DLG2: variants seen among roughly 807,000 people sequenced by gnomAD.
DLG2 encodes the protein disks large homolog 2.
Under a neutral mutation model 132.5 loss-of-function variants are expected in DLG2, and 45 were observed. The observed-to-expected ratio is 0.34, with a 90% CI of 0.27 to 0.44. The LOEUF (loss-of-function observed/expected upper bound fraction) is 0.44. DLG2 is among the 20% of genes least tolerant of loss of function. The pLI, the probability that DLG2 is intolerant of heterozygous loss-of-function variation, is 1.00. For missense variants in DLG2, 1,045 were observed against 1,196.9 expected (o/e 0.87, Z 1.87); for synonymous variants, 424 against 419.6 (o/e 1.01, Z -0.13).
intron 16 of DLG2, among the ~76,000 whole-genome samples, chr11:83,843,725 A>G (rs1346296592): frequency 6.6e-6 from 1 of 152,146 alleles, no homozygotes; most frequent in Non-Finnish European, 1.5e-5. Context: ...TGCTTGGGTA[A>G]TGGAGGGAAT....
At chr11:84,803,192 T>C (rs1439866465) in intron 6 of DLG2, among the ~76,000 whole-genome samples, 1 of 152,182 alleles carries the variant, frequency 6.6e-6, no homozygotes, top group Non-Finnish European at 1.5e-5. Context: ...TATAATGCAG[T>C]GTAGAATATA....
intron 9 of DLG2, among the ~76,000 whole-genome samples, chr11:84,100,798 A>G (rs1386242145): frequency 1.3e-5 from 2 of 152,164 alleles, no homozygotes; most frequent in Non-Finnish European, 2.9e-5. Flanking sequence ...AAGATCAGCT[A>G]TAACTTGACA....
At chr11:85,180,026 C>G (rs1268820997) in intron 4 of DLG2, among the ~76,000 whole-genome samples, 1 of 151,808 alleles carries the variant, frequency 6.6e-6, no homozygotes, top group South Asian at 2.1e-4. Flanking sequence ...ACCTTTGTGA[C>G]CATTCTATTC....
Position 84,174,014 on chromosome 11 carries a change from C to CTTTTTTTTTTTTT in DLG2, c.574-10516_574-10504dup, listed in dbSNP as rs11338428. ...CTGAGTTTTGACTTCACCCCCCGGC[C>CTTTTTTTTTTTTT]TTTTTTTTTTTTTTTTTTTTTTCTG... On this transcript the variant is annotated intron_variant, in intron 8 of 27. Coordinates refer to ENST00000376104, the MANE Select transcript of DLG2 (RefSeq NM_001142699.3). Among the ~76,000 whole-genome samples, 53 of 61,202 alleles carry CTTTTTTTTTTTTT rather than the reference C, an allele frequency of 8.7e-4. 9 individuals are homozygous for CTTTTTTTTTTTTT. Among genetic ancestry groups the CTTTTTTTTTTTTT allele is most frequent in the East Asian group, 2.1e-3 (4 of 1,878 alleles). 40.2% of individuals were successfully genotyped at this position (61,202 alleles called of 152,430 possible).
intron 6 of DLG2, among the ~76,000 whole-genome samples, chr11:85,035,751 G>A (rs773783054): frequency 3.3e-5 from 5 of 152,082 alleles, no homozygotes; most frequent in Non-Finnish European, 5.9e-5. Context: ...ATCCCAAAAT[G>A]ATCACCATCA....
intron 10 of DLG2, among the ~76,000 whole-genome samples, chr11:84,073,842 T>G (rs1420104041): frequency 6.6e-6 from 1 of 152,174 alleles, no homozygotes; most frequent in Non-Finnish European, 1.5e-5. Flanking sequence ...CTATAACAGG[T>G]GTGTCATAAG....
intron 19 of DLG2, among the ~76,000 whole-genome samples, chr11:83,564,062 T>C (rs1214667513): frequency 6.6e-6 from 1 of 152,038 alleles, no homozygotes; most frequent in Non-Finnish European, 1.5e-5. Flanking sequence ...TGTTCCAACA[T>C]ATTATTGGAA....
intron 2 of DLG2, among the ~76,000 whole-genome samples, chr11:85,611,380 A>T (rs779542806): frequency 8.5e-5 from 13 of 152,332 alleles, no homozygotes; most frequent in Non-Finnish European, 1.6e-4. Flanking sequence ...CGGTGCTTCA[A>T]ATACCTATGT....
At chr11:84,107,702 A>C (rs1245387923) in intron 9 of DLG2, among the ~76,000 whole-genome samples, 1 of 152,160 alleles carries the variant, frequency 6.6e-6, no homozygotes, top group Admixed American at 6.5e-5. Flanking sequence ...GTATTATTTT[A>C]AGGTGGAAGA....
intron 6 of DLG2, among the ~76,000 whole-genome samples, chr11:84,699,670 T>C (rs1354005360): frequency 6.6e-6 from 1 of 151,598 alleles, no homozygotes; most frequent in African/African-American, 2.4e-5. Flanking sequence ...TCTTCCATTC[T>C]GACTATCTTC....
At chr11:85,233,592 A>G (rs1273458594) in intron 4 of DLG2, among the ~76,000 whole-genome samples, 3 of 151,892 alleles carry the variant, frequency 2.0e-5, no homozygotes, top group Non-Finnish European at 4.4e-5. Context: ...ATTAGATTTT[A>G]CCAGAGATAA....
At chr11:85,431,721 C>T (rs1247194886) in intron 3 of DLG2, among the ~76,000 whole-genome samples, 2 of 152,258 alleles carry the variant, frequency 1.3e-5, no homozygotes, top group African/African-American at 4.8e-5. Context: ...AACCAGCAGA[C>T]ATAGTCTTTC....
Position 85,342,737 on chromosome 11 carries a change from T to C in DLG2, c.41-57372A>G, listed in dbSNP as rs114263593. Among the ~76,000 whole-genome samples, 915 of 152,322 alleles carry C rather than the reference T, an allele frequency of 6.0e-3. 10 individuals are homozygous for C. The highest frequency in any genetic ancestry group is 0.02 in the African/African-American group (851 of 41,578). The stretch of plus-strand genomic sequence containing the variant: ...AGCATCGCCACAAACGCATGAGTAA[T>C]GCATTGTACTATGACATTACAACAG... On this transcript the variant is annotated intron_variant, in intron 3 of 27. Transcript: ENST00000376104.
chr11:85,593,702 G>T (rs568494443), intron 3 of DLG2, among the ~76,000 whole-genome samples: 16 of 152,168 alleles, frequency 1.1e-4, no homozygotes, highest in African/African-American at 3.4e-4. Flanking sequence ...TACACATTAT[G>T]ATTAATAATT....
At chr11:83,577,638 G>T (rs1297067689) in intron 19 of DLG2, among the ~76,000 whole-genome samples, 15 of 95,056 alleles carry the variant, frequency 1.6e-4, no homozygotes, top group East Asian at 2.9e-4. Flanking sequence ...ATTTATAATA[G>T]GATATATTTA....
intron 3 of DLG2, among the ~76,000 whole-genome samples, chr11:85,431,709 T>A (rs1372447150): frequency 6.6e-6 from 1 of 152,208 alleles, no homozygotes; most frequent in South Asian, 2.1e-4. Context: ...ACAGTCTCCA[T>A]GAACCAGCAG....
chr11:84,852,241 TA>T (rs1267860817), intron 6 of DLG2, among the ~76,000 whole-genome samples: 1 of 151,822 alleles, frequency 6.6e-6, no homozygotes. Context: ...TTCCATGGAG[TA>T]AAAACATTTT....
intron 11 of DLG2, among the ~76,000 whole-genome samples, chr11:84,035,312 T>C (rs903038825): frequency 5.3e-5 from 8 of 152,186 alleles, no homozygotes; most frequent in African/African-American, 1.9e-4. Flanking sequence ...GGCATAGCAG[T>C]GAACAAAACA....
At chr11:85,084,069 T>A (rs1039795812) in intron 6 of DLG2, among the ~76,000 whole-genome samples, 4 of 152,078 alleles carry the variant, frequency 2.6e-5, no homozygotes, top group African/African-American at 9.7e-5. Context: ...TACTTATGGA[T>A]TTTGCTCTAA....
Sources: gnomAD v4.1 joint callset for allele counts (sites outside exome capture counted in the v4.1 genomes callset) on GRCh38, gnomAD v4.1.1 for gene constraint, MANE v1.5 for transcripts, NCBI Gene and HGNC (gene_info 2026-07-23, HGNC 2026-07-21) for gene names.